FCHO1: variants seen among roughly 807,000 people sequenced by gnomAD.
FCHO1 encodes the protein F-BAR domain only protein 1.
A neutral mutation model predicts 114.4 loss-of-function variants in FCHO1; 45 were observed. The ratio of observed to expected loss-of-function variants is 0.39; its 90% CI spans 0.31 to 0.50. FCHO1 has a LOEUF of 0.50. FCHO1 is among the 20% of genes least tolerant of loss of function. The pLI is 0.77. For synonymous variants in FCHO1, 480 were observed against 488.9 expected, an observed-to-expected ratio of 0.98 and a Z score of 0.24; for missense variants, 1,042 against 1,209.6, an observed-to-expected ratio of 0.86 and a Z score of 2.06.
intron 6 of FCHO1, 67 bp from the exon 7 acceptor site, chr19:17,766,602 A>C: frequency 6.3e-7 from 1 of 1,599,846 alleles, no homozygotes; most frequent in Non-Finnish European, 8.5e-7. Flanking sequence ...TACCTGAGCC[A>C]GTGCCAGCGC....
Position 17,761,788 on chromosome 19 carries a change from G to A in FCHO1, c.28-974G>A, listed in dbSNP as rs1427012896. On this transcript the variant is annotated intron_variant, in intron 4 of 28. Transcript: ENST00000596536. ...CAATTCTCCTGCCTCGGCCTCCCAA[G>A]TAGCTGGGATTACAGGGGTGCGCCA... Among the ~76,000 whole-genome samples, 5 of 151,486 alleles carry A rather than the reference G, an allele frequency of 3.3e-5. No homozygotes were observed. In the Admixed American group the frequency reaches 3.3e-4, roughly 10 times the overall value.
chr19:17,772,016 G>T (rs1477265829), intron 9 of FCHO1, among the ~76,000 whole-genome samples: 3 of 152,124 alleles, frequency 2.0e-5, no homozygotes, highest in Admixed American at 2.0e-4. Context: ...TCACCATGTT[G>T]CCCAGACTGG....
rs10402095 is a variant in FCHO1 at position 17,775,213 on chromosome 19, G to A, written c.945+133G>A. The A allele has an allele frequency of 2.8e-3, 2,945 of 1,044,212 alleles. 69 individuals carry two copies. In the African/African-American group the frequency reaches 0.042, roughly 15 times the overall value. The allele number at this position is 1,044,212 out of a possible 1,614,324, so 64.7% of individuals were successfully genotyped here. ...AGGGGCGGGCTGGAGCCTGGGGGCTGGGTTCATATCCCACCTCAGCTGCAA... is the reference window on the plus strand; with the variant it reads ...AGGGGCGGGCTGGAGCCTGGGGGCTAGGTTCATATCCCACCTCAGCTGCAA... On this transcript the variant is annotated intron_variant, in intron 14 of 28. Coordinates refer to ENST00000596536, the MANE Select transcript of FCHO1 (RefSeq NM_015122.3). The surrounding 1 kb of genome is among the most constrained non-coding windows in gnomAD (Gnocchi z 5.1).
At chr19:17,774,642 C>T (rs763712531) in intron 13 of FCHO1, 164 bp downstream of exon 13, 16 of 617,968 alleles carry the variant, frequency 2.6e-5, no homozygotes, top group African/African-American at 1.7e-4. Flanking sequence ...CCTCTGCCCC[C>T]GGCTAGCTCA....
intron 9 of FCHO1, among the ~76,000 whole-genome samples, chr19:17,771,587 A>T (rs1213358174): frequency 2.0e-5 from 3 of 151,360 alleles, no homozygotes; most frequent in African/African-American, 7.3e-5. Flanking sequence ...GAGAATGGCG[A>T]GAACCCAGGA....
chr19:17,764,775 T>TG (rs1385427726), intron 6 of FCHO1, among the ~76,000 whole-genome samples: 1 of 152,030 alleles, frequency 6.6e-6, no homozygotes, highest in Non-Finnish European at 1.5e-5. Flanking sequence ...TGAAAAGTGC[T>TG]GGGAAGGGGG....
At chr19:17,787,402 C>A (rs571770460) in intron 27 of FCHO1, among the ~76,000 whole-genome samples, 3 of 147,592 alleles carry the variant, frequency 2.0e-5, no homozygotes, top group African/African-American at 7.8e-5. Flanking sequence ...CAGAGCCAGA[C>A]CCTGTCTCTA....
intron 26 of FCHO1, among the ~76,000 whole-genome samples, chr19:17,785,302 C>T (rs949263881): frequency 1.3e-5 from 2 of 152,208 alleles, no homozygotes; most frequent in Admixed American, 1.3e-4. Flanking sequence ...TCACTGCAAT[C>T]TCCGCCTCCC....
At chr19:17,767,076 T>TG (rs1436710646) in intron 7 of FCHO1, among the ~76,000 whole-genome samples, 18 of 148,984 alleles carry the variant, frequency 1.2e-4, no homozygotes, top group African/African-American at 4.0e-4. Context: ...TAAGAAGGGT[T>TG]TTTTTTTTTT....
intron 6 of FCHO1, 56 bp from the exon 7 acceptor site, chr19:17,766,613 T>C (rs2146759972): frequency 6.2e-7 from 1 of 1,608,796 alleles, no homozygotes; most frequent in South Asian, 1.1e-5. Flanking sequence ...GTGCCAGCGC[T>C]GTCCCGGGGT....
rs1337660747 is a variant in FCHO1 at position 17,788,393 on chromosome 19, C to A, written c.*87C>A. ...CCCTCCTGCCGGACCCTGGGGCCTC[C>A]CACCCCAGCCTCCCTGAGGCCCATA... On this transcript the variant is annotated 3_prime_UTR_variant, in exon 29 of 29. Coordinates refer to ENST00000596536, the MANE Select transcript of FCHO1 (RefSeq NM_015122.3). 1.0e-5 allele frequency: 10 copies of A among 990,742 alleles called. No individual in the cohort carries two copies. The highest frequency in any genetic ancestry group is 2.9e-5 in the South Asian group (2 of 69,248). The allele number at this position is 990,742 out of a possible 1,614,324, so 61.4% of individuals were successfully genotyped here. A position where few individuals can be genotyped will look rare whatever the true frequency, so the allele number is the denominator to read the frequency against.
At position 17,763,464 on chromosome 19, in the gene FCHO1, A is replaced by G. The variant is rs907338370; in HGVS notation, c.119+611A>G. ...TTTTTAGTAGAGACGAGGTTTCACT[A>G]TGTTGGCCAGGCGGGTCTCAAACTC... On this transcript the variant is annotated intron_variant, in intron 5 of 28. Transcript: ENST00000596536. 8.0e-5 allele frequency among the ~76,000 whole-genome samples: 12 copies of G among 149,880 alleles called. No homozygotes were observed. The South Asian group carries it at 1.1e-3, about 13-fold the overall frequency.
At chr19:17,770,016 G>C (rs1241983790) in intron 7 of FCHO1, among the ~76,000 whole-genome samples, 4 of 150,482 alleles carry the variant, frequency 2.7e-5, no homozygotes, top group Admixed American at 1.3e-4. Flanking sequence ...CACACACACA[G>C]AGGCCGGGCG....
intron 20 of FCHO1, 88 bp from the exon 21 acceptor site, chr19:17,781,143 C>T (rs1409552337): frequency 5.5e-6 from 5 of 906,986 alleles, no homozygotes; most frequent in South Asian, 1.6e-5. Context: ...AGCCCACCTC[C>T]TAAGATTTTG....
chr19:17,753,130 C>G (rs1347544458), intron 1 of FCHO1, among the ~76,000 whole-genome samples: 1 of 151,892 alleles, frequency 6.6e-6, no homozygotes, highest in African/African-American at 2.4e-5. Context: ...GGTTCCCATG[C>G]CAGTCAGCAC....
chr19:17,783,049 T>C lies in FCHO1; in HGVS notation c.1970T>C (p.Met657Thr). ...GCTCGAGTAACTGGGGAGCTGACCA[T>C]GACCTTCCCTGCTGGCATCGTGCGT... Reference protein sequence around the residue: ...CLARVTGELTMTFPAGIVRVF... With the variant: ...CLARVTGELTTTFPAGIVRVF... The change falls in exon 24 of 29, where the codon ATG (methionine) becomes ACG (threonine). Residue 657 changes from methionine (M) to threonine (T), a missense_variant. Met to Thr is a moderately conservative substitution (Grantham distance 81). This residue lies in a region of FCHO1 where 455 missense variants were observed against 455.4 expected (regional missense o/e 1.00). Transcript: ENST00000596536. 6.2e-7 allele frequency: 1 copy of C among 1,613,938 alleles called. No individual in the cohort carries two copies.
intron 9 of FCHO1, among the ~76,000 whole-genome samples, chr19:17,771,126 G>A (rs1395534977): frequency 6.6e-6 from 1 of 151,952 alleles, no homozygotes; most frequent in Non-Finnish European, 1.5e-5. Context: ...AGTGGCAGGT[G>A]CCTGTAATCC....
At chr19:17,773,903 CT>C (rs58272005) in intron 11 of FCHO1, among the ~76,000 whole-genome samples, 22,919 of 132,658 alleles carry the variant, frequency 0.17, 1,823 homozygotes, top group African/African-American at 0.2. Flanking sequence ...CTCTCTCTCT[CT>C]TTTTTTTTTT....
upstream of FCHO1, among the ~76,000 whole-genome samples, chr19:17,749,534 G>C (rs1244591880): frequency 1.3e-5 from 2 of 152,120 alleles, no homozygotes; most frequent in Non-Finnish European, 2.9e-5. Flanking sequence ...TGGGTACACA[G>C]TAGGCATTCA....
Sources: gnomAD v4.1 joint callset for allele counts (sites outside exome capture counted in the v4.1 genomes callset) on GRCh38, gnomAD v4.1.1 for gene constraint, gnomAD v4.1.1 regional missense constraint, Gnocchi (gnomAD v3.1) non-coding constraint, MANE v1.5 for transcripts, NCBI Gene and HGNC (gene_info 2026-07-23, HGNC 2026-07-21) for gene names.